RNF135: variants seen among roughly 807,000 people sequenced by gnomAD.
RNF135 encodes the protein ring finger protein 135.
RNF135 carries 46 observed loss-of-function variants against 41.9 expected under a neutral mutation model. The ratio of observed to expected loss-of-function variants is 1.10; its 90% CI spans 0.87 to 1.40. The LOEUF (loss-of-function observed/expected upper bound fraction) is 1.40, where lower values mean the gene tolerates loss of function less well. Among genes scored for constraint, RNF135 ranks in the 40% most tolerant of loss-of-function variants. The pLI, the probability that RNF135 is intolerant of heterozygous loss-of-function variation, is 0.00. For synonymous variants in RNF135, 238 were observed against 223.8 expected, an observed-to-expected ratio of 1.06 and a Z score of -0.57; for missense variants, 539 against 549.8, an observed-to-expected ratio of 0.98 and a Z score of 0.20.
At chr17:30,980,523 G>A (rs1480602189) in intron 1 of RNF135, among the ~76,000 whole-genome samples, 7 of 138,582 alleles carry the variant, frequency 5.1e-5, no homozygotes, top group African/African-American at 1.6e-4. Flanking sequence ...CCTCCCTCCC[G>A]GACGGGGTGG....
chr17:30,982,264 T>G (rs1318038130), intron 1 of RNF135, among the ~76,000 whole-genome samples: 1 of 152,186 alleles, frequency 6.6e-6, no homozygotes, highest in Non-Finnish European at 1.5e-5. Flanking sequence ...CAGCCCACAG[T>G]GGAGAGGCTT....
chr17:30,969,806 C>A (rs1427099310), upstream of RNF135, among the ~76,000 whole-genome samples: 2 of 148,322 alleles, frequency 1.3e-5, no homozygotes, highest in Non-Finnish European at 3.0e-5. Context: ...CCTATGTCGC[C>A]CAGGCTGGAG....
the RNF135 span, among the ~76,000 whole-genome samples, chr17:30,960,353 C>T: frequency 6.6e-6 from 1 of 150,966 alleles, no homozygotes; most frequent in Admixed American, 6.6e-5. Flanking sequence ...GATTGCGCCA[C>T]TGCACTCCAG....
chr17:30,984,844 A>G (rs1445665082), intron 2 of RNF135, 84 bp downstream of exon 2: 1 of 1,372,802 alleles, frequency 7.3e-7, no homozygotes, highest in East Asian at 2.3e-5. Context: ...AACATATTTG[A>G]ACCTGAAGGA....
chr17:30,972,458 C>A (rs1906075772), intron 1 of RNF135: 1 of 152,112 alleles, frequency 6.6e-6, no homozygotes, highest in South Asian at 2.1e-4. Flanking sequence ...AAATTAGTTA[C>A]ATTTCCTGTT....
rs9675342 is a variant in RNF135 at position 30,981,048 on chromosome 17, A to T, written c.373-3569A>T. Among the ~76,000 whole-genome samples, 48 of 146,312 alleles carry T rather than the reference A, an allele frequency of 3.3e-4. 1 individual carries two copies. The East Asian group carries it at 8.5e-3, about 26-fold the overall frequency. On this transcript the variant is annotated intron_variant, in intron 1 of 4. Transcript: ENST00000328381. ...GGTTGTAGCGAGCCGAGATCACGCC[A>T]CTGCACTCCAGCCTGGGCACCATTG...
chr17:30,976,465 T>G (rs920813119), intron 1 of RNF135, among the ~76,000 whole-genome samples: 1 of 152,228 alleles, frequency 6.6e-6, no homozygotes, highest in Non-Finnish European at 1.5e-5. Context: ...ATCCATTAGG[T>G]CCATTTGATC....
chr17:30,977,537 C>T (rs1906572377), intron 1 of RNF135, among the ~76,000 whole-genome samples: 2 of 152,222 alleles, frequency 1.3e-5, no homozygotes, highest in Admixed American at 1.3e-4. Flanking sequence ...CCATGCCCAG[C>T]TAATTTTTGT....
chr17:30,995,867 C>T (rs1908318849), intron 3 of RNF135, among the ~76,000 whole-genome samples: 1 of 151,836 alleles, frequency 6.6e-6, no homozygotes, highest in Non-Finnish European at 1.5e-5. Context: ...AATTCTCCCA[C>T]CTCTGCCTCC....
chr17:30,983,499 G>A (rs1907368016), intron 1 of RNF135, among the ~76,000 whole-genome samples: 1 of 150,570 alleles, frequency 6.6e-6, no homozygotes, highest in Admixed American at 6.6e-5. Context: ...GATTATAGGT[G>A]CCTGCAACCA....
chr17:30,993,745 G>C, intron 3 of RNF135: 1 of 958,426 alleles, frequency 1.0e-6, no homozygotes, highest in Non-Finnish European at 1.5e-6. Flanking sequence ...TTTTGCAAAT[G>C]CTTTTTAAAA....
upstream of RNF135, among the ~76,000 whole-genome samples, chr17:30,968,383 TTTC>T (rs1382426504): frequency 3.4e-5 from 5 of 149,128 alleles, no homozygotes; most frequent in African/African-American, 9.9e-5. Context: ...CCTTTCTTTC[TTTC>T]TTTTTTTTTT....
At chr17:30,984,581 T>TATAGAACCC in intron 1 of RNF135, 36 bp from the exon 2 acceptor site, 2 of 1,613,474 alleles carry the variant, frequency 1.2e-6, no homozygotes, top group Non-Finnish European at 1.7e-6. Context: ...GGTCCAGTTT[T>TATAGAACCC]ATAGAACCCA....
chr17:30,971,271 C>A lies in RNF135; in HGVS notation c.198C>A (p.Ala66=). 2 of 1,524,670 alleles carry A rather than the reference C, an allele frequency of 1.3e-6. No homozygotes were observed. The highest frequency in any genetic ancestry group is 8.8e-7 in the Non-Finnish European group (1 of 1,140,640). The allele number at this position is 1,524,670 out of a possible 1,614,324, so 94.4% of individuals were successfully genotyped here. ...RWACPTCRQG[A]AQQPHLRKNT... ...CCTGCCCCACTTGCCGCCAGGGCGC[C>A]GCGCAGCAGCCGCACCTGCGGAAGA... Residue 66 remains alanine, a synonymous_variant, in exon 1 of 5, where the codon GCC becomes GCA. Coordinates refer to ENST00000328381, the MANE Select transcript of RNF135 (RefSeq NM_032322.4).
In RNF135 at chr17:30,988,070, G is replaced by C. The variant is rs567387402; in HGVS notation, c.643G>C (p.Val215Leu). The C allele has an allele frequency of 6.2e-7, 1 of 1,614,000 alleles. No homozygotes were observed. Among genetic ancestry groups the C allele is most frequent in the Non-Finnish European group, 8.5e-7 (1 of 1,179,962 alleles). Residue 215 changes from valine to leucine, a missense_variant, in exon 3 of 5, where the codon GTC (valine) becomes CTC (leucine). By Grantham distance (32) the Val-to-Leu change is conservative. Transcript: ENST00000328381. ...EEIQEKLQESVTWKEAPEAQM... is the reference protein window; with the variant it reads ...EEIQEKLQESLTWKEAPEAQM... Reference sequence around the variant, plus strand: ...AATTCAGGAAAAATTACAAGAAAGCGTCACCTGGAAAGAGGCTCCTGAAGC... The same window carrying C: ...AATTCAGGAAAAATTACAAGAAAGCCTCACCTGGAAAGAGGCTCCTGAAGC...
chr17:30,960,871 C>T, the RNF135 span, among the ~76,000 whole-genome samples: 4 of 151,278 alleles, frequency 2.6e-5, no homozygotes, highest in Admixed American at 2.6e-4. Context: ...TCCCGAGTAG[C>T]TGGGACTACA....
chr17:30,988,895 C>T (rs1477207208), intron 3 of RNF135, among the ~76,000 whole-genome samples: 1 of 129,120 alleles, frequency 7.7e-6, no homozygotes. Context: ...CTAATTTTTG[C>T]GTTGGTTTTT....
intron 3 of RNF135, among the ~76,000 whole-genome samples, chr17:30,989,251 C>G (rs947385437): frequency 4.0e-5 from 6 of 151,738 alleles, no homozygotes; most frequent in Non-Finnish European, 8.8e-5. Context: ...ACCTGTAGTC[C>G]CAGCTACTCT....
intron 2 of RNF135, among the ~76,000 whole-genome samples, chr17:30,985,409 C>G (rs1049301969): frequency 2.6e-5 from 4 of 152,122 alleles, no homozygotes; most frequent in African/African-American, 9.7e-5. Flanking sequence ...CTAAACTGCT[C>G]CTCTTCTGGG....
Sources: gnomAD v4.1 joint callset for allele counts (sites outside exome capture counted in the v4.1 genomes callset) on GRCh38, gnomAD v4.1.1 for gene constraint, MANE v1.5 for transcripts, NCBI Gene and HGNC (gene_info 2026-07-23, HGNC 2026-07-21) for gene names.